RFC1: variants seen among roughly 807,000 people sequenced by gnomAD.
RFC1 encodes replication factor C subunit 1, also known as A1 140 kDa subunit.
Under a neutral mutation model 137.4 loss-of-function variants are expected in RFC1, and 37 were observed. That is an observed-to-expected ratio of 0.27 (90% CI 0.21 to 0.35). The LOEUF (loss-of-function observed/expected upper bound fraction) is 0.35. Ranked by LOEUF, RFC1 falls within the 10% of genes least tolerant of loss-of-function variation. RFC1 has a pLI of 1.00. For missense variants in RFC1, 1,205 were observed against 1,358.5 expected (o/e 0.89, Z 1.78); for synonymous variants, 429 against 455.7 (o/e 0.94, Z 0.75).
chr4:39,323,512 G>A (rs1739623683), intron 6 of RFC1, 95 bp from the exon 7 acceptor site: 4 of 1,009,102 alleles, frequency 4.0e-6, no homozygotes, highest in Non-Finnish European at 6.0e-6. Flanking sequence ...GAAGAAACTA[G>A]AAAAACATTT....
intron 4 of RFC1, among the ~76,000 whole-genome samples, chr4:39,328,520 C>T (rs1018778703): frequency 1.3e-5 from 2 of 152,106 alleles, no homozygotes; most frequent in African/African-American, 2.4e-5. Context: ...AACATTTTAA[C>T]GGAGGCCTGA....
intron 22 of RFC1, among the ~76,000 whole-genome samples, chr4:39,292,369 A>C (rs1225736874): frequency 6.6e-6 from 1 of 152,164 alleles, no homozygotes. Flanking sequence ...AAATCTAAGA[A>C]AATTACAGAG....
chr4:39,288,436 A>G lies in RFC1; in HGVS notation c.*325T>C, dbSNP rs1737487846. The G allele has an allele frequency of 1.0e-5, 2 of 199,832 alleles. No individual in the cohort carries two copies. The highest frequency in any genetic ancestry group is 2.0e-5 in the Non-Finnish European group (2 of 99,978). 12.4% of individuals were successfully genotyped at this position (199,832 alleles called of 1,614,324 possible). On this transcript the variant is annotated 3_prime_UTR_variant, in exon 25 of 25. Transcript: ENST00000349703. ...AAGACGCCTTAGTACTACTGCTCCC[A>G]GGCTCATTATTGTTAACTAAAATCT...
chr4:39,295,254 T>C (rs1002635418), intron 22 of RFC1, among the ~76,000 whole-genome samples: 5 of 152,212 alleles, frequency 3.3e-5, no homozygotes, highest in Non-Finnish European at 5.9e-5. Context: ...TTTCTTTAAA[T>C]AGTTCAATTA....
At position 39,295,724 on chromosome 4, in the gene RFC1, C is replaced by T. The variant is rs535419863; in HGVS notation, c.2844G>A (p.Met948Ile). 7.4e-6 allele frequency: 12 copies of T among 1,613,126 alleles called. No homozygotes were observed. The Admixed American group carries it at 1.0e-4, about 13-fold the overall frequency. The part of the protein sequence containing the change: ...IYASVLPGEL[M>I]RGYMTQFPTF... ...TGGGAAACTGGGTCATGTACCCCCTCATCAACTCTCCAGGAAGAACACTGG... is the reference window on the plus strand; with the variant it reads ...TGGGAAACTGGGTCATGTACCCCCTTATCAACTCTCCAGGAAGAACACTGG... Residue 948 changes from methionine to isoleucine, a missense_variant, in exon 22 of 25, where the codon ATG (methionine) becomes ATA (isoleucine). This residue lies in a region of RFC1 where 237 missense variants were observed against 304.2 expected (regional missense o/e 0.78). Coordinates refer to ENST00000349703, the MANE Select transcript of RFC1 (RefSeq NM_002913.5).
At chr4:39,299,162 T>C (rs945878361) in intron 21 of RFC1, among the ~76,000 whole-genome samples, 4 of 152,354 alleles carry the variant, frequency 2.6e-5, no homozygotes, top group African/African-American at 9.6e-5. Flanking sequence ...TACAGTTAAC[T>C]AGCCCAACCT....
chr4:39,289,230 A>AT (rs1737534687), intron 24 of RFC1, among the ~76,000 whole-genome samples: 1 of 152,234 alleles, frequency 6.6e-6, no homozygotes, highest in Admixed American at 6.5e-5. Context: ...GTAAACAGTC[A>AT]TTTTGTGAAA....
At position 39,291,522 on chromosome 4, in the gene RFC1, C is replaced by T. The variant is rs576424274; in HGVS notation, c.3168+117G>A. On this transcript the variant is annotated intron_variant, in intron 23 of 24. Transcript: ENST00000349703. ...GGAAAATATAGGCCATAAGAAGCAA[C>T]AAGCATTTGAGGGGAAAAAGAAGTA... The T allele has an allele frequency of 1.3e-5, 9 of 717,108 alleles. No homozygotes were observed. The South Asian group carries it at 1.5e-4, about 12-fold the overall frequency. The allele number at this position is 717,108 out of a possible 1,614,324, so 44.4% of individuals were successfully genotyped here. A position where few individuals can be genotyped will look rare whatever the true frequency, so the allele number is the denominator to read the frequency against.
intron 21 of RFC1, among the ~76,000 whole-genome samples, chr4:39,298,284 C>A (rs886310548): frequency 7.7e-6 from 1 of 130,192 alleles, no homozygotes; most frequent in Non-Finnish European, 1.6e-5. Context: ...TTCCAGACTG[C>A]CTGACAGAGT....
At chr4:39,320,948 A>C (rs1739490221) in intron 8 of RFC1, among the ~76,000 whole-genome samples, 2 of 152,230 alleles carry the variant, frequency 1.3e-5, no homozygotes, top group Non-Finnish European at 2.9e-5. Context: ...GCCAACTATG[A>C]GTCAACTCTG....
At chr4:39,327,025 T>C (rs912853325) in intron 5 of RFC1, among the ~76,000 whole-genome samples, 2 of 152,166 alleles carry the variant, frequency 1.3e-5, no homozygotes, top group African/African-American at 4.8e-5. Context: ...ACACACACTA[T>C]GGGGCAGGCT....
intron 4 of RFC1, among the ~76,000 whole-genome samples, chr4:39,339,849 G>C (rs562329940): frequency 1.4e-4 from 22 of 152,046 alleles, no homozygotes; most frequent in African/African-American, 4.8e-4. Flanking sequence ...TAACATAAGT[G>C]GGCCAAATAT....
chr4:39,365,346 G>T, intron 1 of RFC1: 2 of 444,416 alleles, frequency 4.5e-6, no homozygotes, highest in Non-Finnish European at 5.9e-6. Context: ...ACTGTGACAC[G>T]TTGACCAATG....
At chr4:39,305,568 A>AGCCTGGG (rs1738595827) in intron 14 of RFC1, among the ~76,000 whole-genome samples, 1 of 152,194 alleles carries the variant, frequency 6.6e-6, no homozygotes, top group Non-Finnish European at 1.5e-5. Context: ...AGACCGTGCC[A>AGCCTGGG]TTACACTCCA....
chr4:39,291,791 C>A lies in RFC1; in HGVS notation c.3016G>T (p.Val1006Leu), dbSNP rs774793398. The A allele has an allele frequency of 6.2e-7, 1 of 1,614,098 alleles. No homozygotes were observed. The highest frequency in any genetic ancestry group is 2.2e-5 in the East Asian group (1 of 44,880). ...ACTCCTTGTGAGGTCAAGGGCTGTA[C>A]AAGTGCATCCCTTAGAAGCGACAGA... is the stretch of plus-strand genomic sequence containing the variant. ...DYLSLLRDAL[V>L]QPLTSQGVDG... The change falls in exon 23 of 25, where the codon GTA (valine) becomes TTA (leucine). Residue 1006 changes from valine to leucine, a missense_variant. By Grantham distance (32) the Val-to-Leu change is conservative. Around this residue, in one of 3 missense-constraint regions of RFC1, gnomAD observed 237 missense variants for 304.2 expected, o/e 0.78. Coordinates refer to ENST00000349703, the MANE Select transcript of RFC1 (RefSeq NM_002913.5).
chr4:39,288,421 A>G lies in RFC1; in HGVS notation c.*340T>C. On this transcript the variant is annotated 3_prime_UTR_variant, in exon 25 of 25. Transcript: ENST00000349703. Reference sequence around the variant, plus strand: ...TTCTTAAGCCTACAAAAGACGCCTTAGTACTACTGCTCCCAGGCTCATTAT... The same window carrying G: ...TTCTTAAGCCTACAAAAGACGCCTTGGTACTACTGCTCCCAGGCTCATTAT... The G allele has an allele frequency of 5.4e-6, 1 of 183,518 alleles. No homozygotes were observed. Among genetic ancestry groups the G allele is most frequent in the Non-Finnish European group, 1.1e-5 (1 of 89,290 alleles). The allele number at this position is 183,518 out of a possible 1,614,324, so 11.4% of individuals were successfully genotyped here. A position where few individuals can be genotyped will look rare whatever the true frequency, so the allele number is the denominator to read the frequency against.
At chr4:39,336,034 G>A (rs919429750) in intron 4 of RFC1, among the ~76,000 whole-genome samples, 2 of 152,048 alleles carry the variant, frequency 1.3e-5, no homozygotes, top group African/African-American at 2.4e-5. Flanking sequence ...AAGATGCTTC[G>A]GAACCTCAGT....
intron 1 of RFC1, among the ~76,000 whole-genome samples, chr4:39,356,530 T>A (rs1453288838): frequency 6.6e-6 from 1 of 152,248 alleles, no homozygotes; most frequent in Non-Finnish European, 1.5e-5. Context: ...TTAAAGATTA[T>A]GTATTAAAAG....
intron 21 of RFC1, among the ~76,000 whole-genome samples, chr4:39,298,651 C>G (rs184287575): frequency 4.6e-4 from 70 of 152,232 alleles, no homozygotes; most frequent in Admixed American, 5.2e-4. Context: ...CTTCTAGAAG[C>G]CGCTACTCAG....
Sources: allele counts gnomAD v4.1 joint callset (sites outside exome capture counted in the v4.1 genomes callset), GRCh38; gene constraint gnomAD v4.1.1; regional missense constraint gnomAD v4.1.1; transcripts MANE v1.5; gene names NCBI Gene and HGNC (gene_info 2026-07-23, HGNC 2026-07-21).